Variants in FOXN3 observed in about 807,000 individuals in gnomAD.
FOXN3 encodes the protein forkhead box protein N3.
In FOXN3, 7 loss-of-function variants were observed where a neutral mutation model predicts 38.4. That is an observed-to-expected ratio of 0.18 (90% confidence interval 0.10 to 0.34). The LOEUF is 0.34. Among genes scored for constraint, FOXN3 ranks in the 10% least tolerant of loss-of-function variants. The pLI, the probability that FOXN3 is intolerant of heterozygous loss-of-function variation, is 1.00. For synonymous variants in FOXN3, 230 were observed against 242.2 expected, an observed-to-expected ratio of 0.95 and a Z score of 0.47; for missense variants, 456 against 613.4, an observed-to-expected ratio of 0.74 and a Z score of 2.71.
intron 4 of FOXN3, among the ~76,000 whole-genome samples, chr14:89,186,822 A>G (rs1026454868): frequency 4.3e-4 from 66 of 152,324 alleles, no homozygotes; most frequent in Admixed American, 5.9e-4. Flanking sequence ...GTGAAGCATT[A>G]GACTGAAATG....
chr14:89,224,718 G>A (rs1014503785), intron 4 of FOXN3, among the ~76,000 whole-genome samples: 1 of 152,280 alleles, frequency 6.6e-6, no homozygotes, highest in African/African-American at 2.4e-5. Context: ...GAAATTCAAA[G>A]AACATACATC....
intron 1 of FOXN3, among the ~76,000 whole-genome samples, chr14:89,532,098 T>G (rs1209045599): frequency 1.3e-5 from 2 of 152,190 alleles, no homozygotes; most frequent in African/African-American, 4.8e-5. Context: ...AGTCCGGTGG[T>G]AGAGCCCAGA....
Position 89,209,358 on chromosome 14 carries a change from G to A in FOXN3, c.746-28552C>T, listed in dbSNP as rs369207911. On this transcript the variant is annotated intron_variant, in intron 4 of 5. Coordinates refer to ENST00000557258, the MANE Select transcript of FOXN3 (RefSeq NM_005197.4). Reference sequence around the variant, plus strand: ...GACGAATGGCCAATATTTTTCCAATGATATTTCAAATCCTTAGCCAACACT... The same window carrying A: ...GACGAATGGCCAATATTTTTCCAATAATATTTCAAATCCTTAGCCAACACT... 9.3e-4 allele frequency among the ~76,000 whole-genome samples: 141 copies of A among 152,308 alleles called. 2 individuals are homozygous for A. The South Asian group carries it at 0.029, about 31-fold the overall frequency.
At chr14:89,541,109 C>A (rs1894783360) in intron 1 of FOXN3, among the ~76,000 whole-genome samples, 1 of 152,194 alleles carries the variant, frequency 6.6e-6, no homozygotes, top group Admixed American at 6.5e-5. Context: ...CCTCACCAGA[C>A]AGATCTCTCG....
chr14:89,223,443 A>T (rs1337163427), intron 4 of FOXN3: 1 of 152,358 alleles, frequency 6.6e-6, no homozygotes, highest in African/African-American at 2.4e-5. Context: ...ATGGCTTCCT[A>T]CATTTCGGGT....
chr14:89,256,814 C>T (rs374596983), intron 4 of FOXN3, among the ~76,000 whole-genome samples: 1 of 152,134 alleles, frequency 6.6e-6, no homozygotes, highest in South Asian at 2.1e-4. Flanking sequence ...CTGACTTTCT[C>T]GACACTGGCT....
At chr14:89,324,837 T>C (rs1888001133) in intron 3 of FOXN3, among the ~76,000 whole-genome samples, 1 of 152,100 alleles carries the variant, frequency 6.6e-6, no homozygotes, top group Non-Finnish European at 1.5e-5. Context: ...CCAGTGTTTC[T>C]TAAACCACCT....
intron 1 of FOXN3, among the ~76,000 whole-genome samples, chr14:89,506,988 C>T (rs577169764): frequency 5.9e-5 from 9 of 152,242 alleles, no homozygotes; most frequent in African/African-American, 2.2e-4. Context: ...ACAAACACTG[C>T]GCAAGGCCGC....
At position 89,333,849 on chromosome 14, in the gene FOXN3, G is replaced by T. The variant is rs543661612; in HGVS notation, c.680+16823C>A. 1.4e-4 allele frequency among the ~76,000 whole-genome samples: 20 copies of T among 146,850 alleles called. No homozygotes were observed. In the East Asian group the frequency reaches 4.0e-3, roughly 29 times the overall value. ...AAGGAAATAAAGTCACTATTTCAAAGAGATACTATATCTGCATGGCACTCT... is the reference window on the plus strand; with the variant it reads ...AAGGAAATAAAGTCACTATTTCAAATAGATACTATATCTGCATGGCACTCT... On this transcript the variant is annotated intron_variant, in intron 3 of 5. Coordinates refer to ENST00000557258, the MANE Select transcript of FOXN3 (RefSeq NM_005197.4).
intron 1 of FOXN3, among the ~76,000 whole-genome samples, chr14:89,446,968 G>A (rs1302172314): frequency 2.6e-5 from 4 of 152,146 alleles, no homozygotes; most frequent in Non-Finnish European, 5.9e-5. Flanking sequence ...AGGCCAAGGC[G>A]GGTGGATCAC....
intron 1 of FOXN3, among the ~76,000 whole-genome samples, chr14:89,542,772 G>A (rs1373373807): frequency 6.6e-6 from 1 of 152,154 alleles, no homozygotes; most frequent in Non-Finnish European, 1.5e-5. Flanking sequence ...TGCCATCGAT[G>A]GGTTAATATG....
At chr14:89,306,209 G>A (rs761509755) in intron 3 of FOXN3, among the ~76,000 whole-genome samples, 42 of 152,120 alleles carry the variant, frequency 2.8e-4, no homozygotes, top group Non-Finnish European at 1.5e-4. Context: ...GCACTAAACT[G>A]CTGGTGGCAG....
chr14:89,258,334 C>T (rs1175011782), intron 4 of FOXN3, among the ~76,000 whole-genome samples: 1 of 152,204 alleles, frequency 6.6e-6, no homozygotes, highest in African/African-American at 2.4e-5. Flanking sequence ...AGCTTCATAA[C>T]CACAGATAGA....
intron 4 of FOXN3, among the ~76,000 whole-genome samples, chr14:89,225,359 C>T (rs547410004): frequency 6.6e-6 from 1 of 151,802 alleles, no homozygotes; most frequent in Non-Finnish European, 1.5e-5. Context: ...AATCCCAGCA[C>T]TTTGGGAGGC....
chr14:89,271,151 C>G (rs1288066472), intron 4 of FOXN3, among the ~76,000 whole-genome samples: 1 of 152,232 alleles, frequency 6.6e-6, no homozygotes. Context: ...AACAGGAACA[C>G]AAACTTGACC....
intron 3 of FOXN3, among the ~76,000 whole-genome samples, chr14:89,326,097 A>T (rs1472900873): frequency 1.3e-5 from 2 of 152,212 alleles, no homozygotes; most frequent in African/African-American, 4.8e-5. Flanking sequence ...CTCATTCAAC[A>T]AACGTTTACT....
intron 2 of FOXN3, among the ~76,000 whole-genome samples, chr14:89,385,521 A>AAAAAAAAG (rs1491142176): frequency 6.9e-6 from 1 of 145,582 alleles, no homozygotes; most frequent in Non-Finnish European, 1.5e-5. Context: ...AAAAAAAAAA[A>AAAAAAAAG]GGAGGGCTGG....
In FOXN3 at chr14:89,328,356, T is replaced by C. The variant is rs184926082; in HGVS notation, c.680+22316A>G. Among the ~76,000 whole-genome samples, 661 of 152,086 alleles carry C rather than the reference T, an allele frequency of 4.3e-3. 3 individuals carry two copies. Among genetic ancestry groups the C allele is most frequent in the Non-Finnish European group, 7.4e-3 (503 of 67,994 alleles). On this transcript the variant is annotated intron_variant, in intron 3 of 5. Transcript: ENST00000557258. ...ATTCCCAACAGCAGCCCTGGATGAA[T>C]GGGGGAAGAGACATTCCCACCAGCA... is the stretch of plus-strand genomic sequence containing the variant.
At chr14:89,581,597 C>T (rs542326114) in intron 1 of FOXN3, among the ~76,000 whole-genome samples, 101 of 152,280 alleles carry the variant, frequency 6.6e-4, no homozygotes, top group African/African-American at 2.3e-3. Context: ...GCTCTTTTCC[C>T]TCAAAACCAA....
Sources: allele counts gnomAD v4.1 joint callset (sites outside exome capture counted in the v4.1 genomes callset), GRCh38; gene constraint gnomAD v4.1.1; transcripts MANE v1.5; gene names NCBI Gene and HGNC (gene_info 2026-07-23, HGNC 2026-07-21).